The following CSMD1 variants were observed in gnomAD, a reference collection of about 807,000 sequenced individuals.
CSMD1 encodes CUB and Sushi multiple domains 1.
In CSMD1, 213 loss-of-function variants were observed where a neutral mutation model predicts 417.5. The ratio of observed to expected loss-of-function variants is 0.51; its 90% CI spans 0.46 to 0.57. The LOEUF is 0.57. Ranked by LOEUF, CSMD1 falls within the 20% of genes least tolerant of loss-of-function variation. CSMD1 has a pLI of 0.00. For missense variants in CSMD1, 6,923 were observed against 4,529.7 expected, an observed-to-expected ratio of 1.53 and a Z score of -15.17; for synonymous variants, 2,862 against 1,736.8, an observed-to-expected ratio of 1.65 and a Z score of -16.11.
chr8:4,588,026 A>G (rs1038670707), intron 2 of CSMD1, among the ~76,000 whole-genome samples: 104 of 152,306 alleles, frequency 6.8e-4, no homozygotes, highest in African/African-American at 2.3e-3. Flanking sequence ...AAGCAAGCAT[A>G]GGAAAAAGAA....
At chr8:3,885,283 A>G (rs568437788) in intron 5 of CSMD1, among the ~76,000 whole-genome samples, 22 of 152,268 alleles carry the variant, frequency 1.4e-4, no homozygotes, top group Admixed American at 8.5e-4. Flanking sequence ...GGTGTGAGTT[A>G]TAGAATCAAT....
intron 2 of CSMD1, among the ~76,000 whole-genome samples, chr8:4,436,152 T>C (rs149618218): frequency 1.7e-3 from 257 of 152,274 alleles, no homozygotes; most frequent in African/African-American, 5.8e-3. Flanking sequence ...GTCATAGATA[T>C]TGAGAGAGTT....
chr8:4,216,145 A>G (rs953169986), intron 3 of CSMD1, among the ~76,000 whole-genome samples: 7 of 151,778 alleles, frequency 4.6e-5, no homozygotes, highest in East Asian at 1.9e-4. Context: ...ATGTAATCCC[A>G]TTTTTTCACA....
In CSMD1 at chr8:3,874,796, C is replaced by A. The variant is rs550695842; in HGVS notation, c.819-120754G>T. The stretch of plus-strand genomic sequence containing the variant: ...GACAGGGTTTGGAAGGAGATGCAGA[C>A]ATTAAATAGGACACACACCAAAGAC... On this transcript the variant is annotated intron_variant, in intron 5 of 69. Transcript: ENST00000635120. 2.0e-5 allele frequency among the ~76,000 whole-genome samples: 3 copies of A among 152,198 alleles called. No individual in the cohort carries two copies. In the South Asian group the frequency reaches 6.2e-4, roughly 32 times the overall value.
chr8:3,405,795 G>A (rs1048625538), intron 15 of CSMD1, among the ~76,000 whole-genome samples: 8 of 152,136 alleles, frequency 5.3e-5, no homozygotes, highest in Admixed American at 1.3e-4. Flanking sequence ...CCAGCCTGAG[G>A]CAGATCCTCC....
At chr8:3,761,203 T>C (rs1043153260) in intron 5 of CSMD1, among the ~76,000 whole-genome samples, 8 of 152,162 alleles carry the variant, frequency 5.3e-5, no homozygotes, top group Admixed American at 3.3e-4. Context: ...CAATGAACTC[T>C]CATATTGCAA....
intron 1 of CSMD1, among the ~76,000 whole-genome samples, chr8:4,868,510 A>G (rs6990301): frequency 0.43 from 64,953 of 151,888 alleles, 15,022 homozygotes; most frequent in East Asian, 0.52. Flanking sequence ...TGCTAAAATG[A>G]CAGTCGTATT....
rs1554466118 is a variant in CSMD1 at position 2,937,456 on chromosome 8, A to AAAC, written c.*1128_*1129insGTT. 9 of 138,318 alleles carry AAAC rather than the reference A, an allele frequency of 6.5e-5. No individual in the cohort carries two copies. The highest frequency in any genetic ancestry group is 1.5e-4 in the African/African-American group (6 of 40,208). 8.6% of individuals were successfully genotyped at this position (138,318 alleles called of 1,614,324 possible). On this transcript the variant is annotated 3_prime_UTR_variant, in exon 70 of 70. Transcript: ENST00000635120. ...AAAAGACAAAAAAAAAAAAAAACAA[A>AAAC]AAAAAAACACTGCAAAAGGGAAGGC... is the stretch of plus-strand genomic sequence containing the variant.
intron 1 of CSMD1, among the ~76,000 whole-genome samples, chr8:4,940,102 G>A (rs1210478341): frequency 6.6e-6 from 1 of 152,136 alleles, no homozygotes; most frequent in Non-Finnish European, 1.5e-5. Flanking sequence ...AACTACCGGG[G>A]GCTGCTGAGG....
chr8:3,627,225 G>A (rs531313599), intron 7 of CSMD1, among the ~76,000 whole-genome samples: 1 of 152,120 alleles, frequency 6.6e-6, no homozygotes, highest in Non-Finnish European at 1.5e-5. Flanking sequence ...AGAGAACTGA[G>A]TTTAAGATTG....
At chr8:3,692,954 T>C (rs917982453) in intron 7 of CSMD1, among the ~76,000 whole-genome samples, 2 of 152,210 alleles carry the variant, frequency 1.3e-5, no homozygotes, top group African/African-American at 4.8e-5. Flanking sequence ...GATCCTGTTT[T>C]TTTGTGTGAT....
chr8:3,238,011 G>A (rs1480705476), intron 26 of CSMD1, among the ~76,000 whole-genome samples: 3 of 151,324 alleles, frequency 2.0e-5, no homozygotes, highest in South Asian at 4.2e-4. Flanking sequence ...TCCGTGTGAA[G>A]AGACCACCAA....
At chr8:3,053,730 A>G (rs1441143852) in intron 49 of CSMD1, among the ~76,000 whole-genome samples, 1 of 152,178 alleles carries the variant, frequency 6.6e-6, no homozygotes, top group Non-Finnish European at 1.5e-5. Flanking sequence ...CAAGAAAAAA[A>G]TTCTCAAACG....
At chr8:3,470,771 A>G (rs560939535) in intron 11 of CSMD1, among the ~76,000 whole-genome samples, 65 of 152,320 alleles carry the variant, frequency 4.3e-4, no homozygotes, top group African/African-American at 1.5e-3. Flanking sequence ...AAATGAAATC[A>G]CAGTGTTTAA....
At chr8:3,613,065 T>C (rs1801968530) in intron 8 of CSMD1, among the ~76,000 whole-genome samples, 1 of 151,992 alleles carries the variant, frequency 6.6e-6, no homozygotes, top group African/African-American at 2.4e-5. Flanking sequence ...TTTTTAAAAA[T>C]ATGAATATCA....
At chr8:4,480,448 CCTT>C (rs1366128201) in intron 2 of CSMD1, among the ~76,000 whole-genome samples, 1 of 152,160 alleles carries the variant, frequency 6.6e-6, no homozygotes, top group Non-Finnish European at 1.5e-5. Flanking sequence ...GCGAGCATAA[CCTT>C]CTACTCTCAT....
In CSMD1 at chr8:3,588,420, A is replaced by C. The variant is rs868748529; in HGVS notation, c.1098-2160T>G. ...GAATTTCAGTGTGGCCACTTCTTCA[A>C]TGATCCCCTTAACCTGAGGCACTGA... is the stretch of plus-strand genomic sequence containing the variant. On this transcript the variant is annotated intron_variant, in intron 8 of 69. Transcript: ENST00000635120. Among the ~76,000 whole-genome samples the C allele has an allele frequency of 3.9e-5, 6 of 152,116 alleles. No homozygotes were observed. The South Asian group carries it at 1.3e-3, about 32-fold the overall frequency.
chr8:3,575,170 T>TAAAA lies in CSMD1; in HGVS notation c.1223-108_1223-105dup, dbSNP rs11352452. On this transcript the variant is annotated intron_variant, in intron 9 of 69. Transcript: ENST00000635120. ...CAAGTTAGCTATTATCTAATCACAG[T>TAAAA]AAAAAAAAAAAAAAAAATGGTGCAT... is the stretch of plus-strand genomic sequence containing the variant. The TAAAA allele has an allele frequency of 8.8e-5, 71 of 806,964 alleles. 1 individual carries two copies. Among genetic ancestry groups the TAAAA allele is most frequent in the South Asian group, 6.7e-4 (29 of 42,964 alleles). The allele number at this position is 806,964 out of a possible 1,614,324, so 50.0% of individuals were successfully genotyped here. A position where few individuals can be genotyped will look rare whatever the true frequency, so the allele number is the denominator to read the frequency against.
At chr8:3,544,135 C>T (rs904698319) in intron 10 of CSMD1, among the ~76,000 whole-genome samples, 1 of 152,052 alleles carries the variant, frequency 6.6e-6, no homozygotes, top group Admixed American at 6.5e-5. Context: ...GAGCCTGGGA[C>T]GTGCTGGGCT....
Sources: gnomAD v4.1 joint callset for allele counts (sites outside exome capture counted in the v4.1 genomes callset) on GRCh38, gnomAD v4.1.1 for gene constraint, MANE v1.5 for transcripts, NCBI Gene and HGNC (gene_info 2026-07-23, HGNC 2026-07-21) for gene names.